Variants in OSTC observed in about 807,000 individuals in gnomAD.
OSTC encodes the protein oligosaccharyltransferase complex non-catalytic subunit.
Under a neutral mutation model 16.4 loss-of-function variants are expected in OSTC, and 16 were observed. The observed-to-expected ratio is 0.98, with a 90% CI of 0.66 to 1.49. OSTC has a LOEUF of 1.49. OSTC is among the 40% of genes most tolerant of loss of function. OSTC has a pLI of 0.00. For missense variants in OSTC, 139 were observed against 186.3 expected (o/e 0.75, Z 1.48); for synonymous variants, 67 against 68.5 (o/e 0.98, Z 0.11).
intron 1 of OSTC, among the ~76,000 whole-genome samples, chr4:108,654,095 T>G (rs1161978002): frequency 6.6e-6 from 1 of 152,216 alleles, no homozygotes; most frequent in African/African-American, 2.4e-5. Flanking sequence ...TTCAAGAAAT[T>G]GGTTTAGTAA....
At chr4:108,659,409 G>T (rs1447105815) in intron 3 of OSTC, among the ~76,000 whole-genome samples, 1 of 151,994 alleles carries the variant, frequency 6.6e-6, no homozygotes, top group Non-Finnish European at 1.5e-5. Context: ...CCATAGCCTG[G>T]TAAGGTGTAC....
In OSTC at chr4:108,657,751, G is replaced by A. The variant is rs543857896; in HGVS notation, c.431+104G>A. 14 of 1,072,512 alleles carry A rather than the reference G, an allele frequency of 1.3e-5. 1 individual carries two copies. The African/African-American group carries it at 1.4e-4, about 11-fold the overall frequency. 66.4% of individuals were successfully genotyped at this position (1,072,512 alleles called of 1,614,324 possible). A position where few individuals can be genotyped will look rare whatever the true frequency, so the allele number is the denominator to read the frequency against. ...TTTAATTTAACTTTCATTTACATGG[G>A]TGAAAAATCCAGAAACCAAATATAT... On this transcript the variant is annotated intron_variant, in intron 3 of 3. Coordinates refer to ENST00000361564, the MANE Select transcript of OSTC (RefSeq NM_021227.4).
chr4:108,653,933 G>C (rs1204269293), intron 1 of OSTC, among the ~76,000 whole-genome samples: 1 of 152,144 alleles, frequency 6.6e-6, no homozygotes, highest in African/African-American at 2.4e-5. Flanking sequence ...TGAAAGCCCT[G>C]GGAGTTCATT....
At chr4:108,658,908 A>C (rs1016866515) in intron 3 of OSTC, among the ~76,000 whole-genome samples, 1 of 145,884 alleles carries the variant, frequency 6.9e-6, no homozygotes, top group African/African-American at 2.5e-5. Context: ...GAAAGCATGG[A>C]GTTCTTTGTC....
intron 3 of OSTC, among the ~76,000 whole-genome samples, chr4:108,665,446 T>C (rs919188973): frequency 4.5e-4 from 10 of 22,448 alleles, no homozygotes; most frequent in Non-Finnish European, 9.9e-4. Flanking sequence ...GTTGTAAACC[T>C]TTTTTTTTTT....
Position 108,650,724 on chromosome 4 carries a change from C to G in OSTC, c.69C>G (p.Pro23=), listed in dbSNP as rs577697718. Residue 23 remains proline, a synonymous_variant, in exon 1 of 4, where the codon CCC becomes CCG. Transcript: ENST00000361564. The stretch of plus-strand genomic sequence containing the variant: ...CCAACCTGAAGCTGAAGAAGCCGCC[C>G]TGGTTGCACATGCCGTCGGCCATGA... ...ECPNLKLKKP[P]WLHMPSAMTV... is the part of the protein sequence containing the mutation. 2 of 1,614,112 alleles carry G rather than the reference C, an allele frequency of 1.2e-6. No homozygotes were observed. The highest frequency in any genetic ancestry group is 2.2e-5 in the East Asian group (1 of 44,884).
At chr4:108,659,857 G>C (rs949898464) in intron 3 of OSTC, among the ~76,000 whole-genome samples, 3 of 152,180 alleles carry the variant, frequency 2.0e-5, no homozygotes, top group Non-Finnish European at 4.4e-5. Context: ...AAGTGTCCTG[G>C]TTTTGCTTAT....
At chr4:108,661,926 A>G (rs559182366) in intron 3 of OSTC, among the ~76,000 whole-genome samples, 1 of 152,320 alleles carries the variant, frequency 6.6e-6, no homozygotes, top group East Asian at 1.9e-4. Context: ...AAAAATAAAA[A>G]TAAAAGGTGG....
chr4:108,657,996 A>G (rs748900286), intron 3 of OSTC, among the ~76,000 whole-genome samples: 106 of 128,098 alleles, frequency 8.3e-4, no homozygotes, highest in Admixed American at 1.3e-3. Flanking sequence ...CAATGGCACA[A>G]TCTTGGCTCA....
At chr4:108,653,916 A>G (rs1726623623) in intron 1 of OSTC, among the ~76,000 whole-genome samples, 1 of 152,218 alleles carries the variant, frequency 6.6e-6, no homozygotes, top group Non-Finnish European at 1.5e-5. Context: ...TCTTTAGCAC[A>G]TGAAATTGAA....
At chr4:108,662,734 A>AC (rs1428395847) in intron 3 of OSTC, among the ~76,000 whole-genome samples, 1 of 152,184 alleles carries the variant, frequency 6.6e-6, no homozygotes, top group East Asian at 1.9e-4. Flanking sequence ...GATGTTTGAG[A>AC]ATCTCTTTCA....
intron 1 of OSTC, 113 bp downstream of exon 1, chr4:108,650,907 A>G (rs1351996601): frequency 2.7e-6 from 4 of 1,482,136 alleles, no homozygotes; most frequent in Non-Finnish European, 3.6e-6. Context: ...TCTGCTTTGG[A>G]TCTTTTCTGA....
At chr4:108,661,043 C>A (rs1180548191) in intron 3 of OSTC, among the ~76,000 whole-genome samples, 1 of 151,730 alleles carries the variant, frequency 6.6e-6, no homozygotes, top group Admixed American at 6.6e-5. Context: ...GTGGTGAAAA[C>A]CAGTCTCTAC....
intron 3 of OSTC, chr4:108,663,137 T>C (rs961693108): frequency 1.6e-5 from 7 of 446,206 alleles, no homozygotes; most frequent in Admixed American, 1.2e-4. Flanking sequence ...ATTCTAAAGA[T>C]AGAGTCCTAA....
At chr4:108,661,011 G>A (rs2110386164) in intron 3 of OSTC, among the ~76,000 whole-genome samples, 1 of 152,132 alleles carries the variant, frequency 6.6e-6, no homozygotes, top group South Asian at 2.1e-4. Context: ...GAGGTCAGGA[G>A]TTCAAGACCA....
Position 108,650,731 on chromosome 4 carries a change from C to T in OSTC, c.76C>T (p.His26Tyr). ...GAAGCTGAAGAAGCCGCCCTGGTTG[C>T]ACATGCCGTCGGCCATGACTGTGTA... is the stretch of plus-strand genomic sequence containing the variant. ...NLKLKKPPWL[H>Y]MPSAMTVYAL... Residue 26 changes from histidine (H) to tyrosine (Y), a missense_variant, in exon 1 of 4, where the codon CAC becomes TAC. By Grantham distance (83) the His-to-Tyr change is moderately conservative (BLOSUM62 2). Transcript: ENST00000361564. 1 of 1,614,212 alleles carries T rather than the reference C, an allele frequency of 6.2e-7. No individual in the cohort carries two copies.
intron 3 of OSTC, among the ~76,000 whole-genome samples, chr4:108,661,821 A>T (rs1003107649): frequency 4.6e-5 from 7 of 151,066 alleles, no homozygotes; most frequent in Admixed American, 3.3e-4. Flanking sequence ...CTGGTCTCGA[A>T]CTCCTGACCT....
chr4:108,650,982 C>T (rs1301945872), intron 1 of OSTC, 188 bp downstream of exon 1: 4 of 751,260 alleles, frequency 5.3e-6, no homozygotes, highest in African/African-American at 5.3e-5. Context: ...CACGCCCTGT[C>T]TTAAGAGAAT....
intron 1 of OSTC, 105 bp from the exon 2 acceptor site, chr4:108,655,457 ACT>A (rs1726675429): frequency 5.7e-6 from 3 of 527,494 alleles, no homozygotes; most frequent in Non-Finnish European, 5.9e-6. Context: ...ACAGAGTGAG[ACT>A]CTGTCTCAAA....
Sources: gnomAD v4.1 joint callset for allele counts (sites outside exome capture counted in the v4.1 genomes callset) on GRCh38, gnomAD v4.1.1 for gene constraint, MANE v1.5 for transcripts, NCBI Gene and HGNC (gene_info 2026-07-23, HGNC 2026-07-21) for gene names.